The following LRRC8C variants were observed in gnomAD, a reference collection of about 807,000 sequenced individuals.
LRRC8C encodes volume-regulated anion channel subunit LRRC8C.
A neutral mutation model predicts 55.3 loss-of-function variants in LRRC8C; 20 were observed. The ratio of observed to expected loss-of-function variants is 0.36; its 90% CI spans 0.25 to 0.53. The LOEUF is 0.53. Ranked by LOEUF, LRRC8C falls within the 20% of genes least tolerant of loss-of-function variation. The pLI is 0.92. For synonymous variants in LRRC8C, 376 were observed against 360.7 expected, an observed-to-expected ratio of 1.04 and a Z score of -0.48; for missense variants, 659 against 951.4, an observed-to-expected ratio of 0.69 and a Z score of 4.04.
chr1:89,717,078 A>G lies in LRRC8C; in HGVS notation c.*2096A>G, dbSNP rs1278957059. ...GGTTATAGTTCTTGTATGATAAAGTATTCAATTTCAGAATAGTGTTGGAAT... is the reference window on the plus strand; with the variant it reads ...GGTTATAGTTCTTGTATGATAAAGTGTTCAATTTCAGAATAGTGTTGGAAT... On this transcript the variant is annotated 3_prime_UTR_variant, in exon 3 of 3. Transcript: ENST00000370454. 1 of 152,190 alleles carries G rather than the reference A, an allele frequency of 6.6e-6. No homozygotes were observed. Among genetic ancestry groups the G allele is most frequent in the Non-Finnish European group, 1.5e-5 (1 of 68,030 alleles). The allele number at this position is 152,190 out of a possible 1,614,324, so 9.4% of individuals were successfully genotyped here.
At chr1:89,629,724 G>A (rs762983604), upstream of LRRC8C, 1 of 152,202 alleles carries the variant, frequency 6.6e-6, no homozygotes, top group Non-Finnish European at 1.5e-5. Flanking sequence ...CTGCCCTGGA[G>A]AGGCTCCCAG....
At chr1:89,685,101 C>CTT (rs11316114) in intron 1 of LRRC8C, among the ~76,000 whole-genome samples, 1,893 of 76,174 alleles carry the variant, frequency 0.025, 127 homozygotes, top group African/African-American at 0.045. Flanking sequence ...CTATCTAGTT[C>CTT]TTTTTTTTTT....
At chr1:89,656,052 A>G (rs1392131024) in intron 1 of LRRC8C, among the ~76,000 whole-genome samples, 9 of 152,256 alleles carry the variant, frequency 5.9e-5, no homozygotes, top group African/African-American at 1.4e-4. Flanking sequence ...TGATGCTGCC[A>G]TCTTACAGCG....
chr1:89,636,897 A>G (rs1252134614), intron 1 of LRRC8C, among the ~76,000 whole-genome samples: 6 of 152,120 alleles, frequency 3.9e-5, no homozygotes, highest in African/African-American at 1.2e-4. Context: ...GACGTCAGGG[A>G]TTTTTAAAAA....
chr1:89,622,154 G>A, the LRRC8C span, among the ~76,000 whole-genome samples: 4 of 152,130 alleles, frequency 2.6e-5, no homozygotes, highest in Admixed American at 2.6e-4. Flanking sequence ...CGTGATAAGA[G>A]TGTGGGCTTT....
upstream of LRRC8C, chr1:89,632,247 G>C (rs1428826022): frequency 6.6e-6 from 1 of 152,194 alleles, no homozygotes; most frequent in African/African-American, 2.4e-5. Flanking sequence ...AGAAAAGCAC[G>C]GTTCAGATCA....
Position 89,654,426 on chromosome 1 carries a change from G to T in LRRC8C, c.-5+21104G>T, listed in dbSNP as rs186648828. Among the ~76,000 whole-genome samples, 371 of 152,256 alleles carry T rather than the reference G, an allele frequency of 2.4e-3. 4 individuals carry two copies. Among genetic ancestry groups the T allele is most frequent in the African/African-American group, 8.5e-3 (352 of 41,560 alleles). On this transcript the variant is annotated intron_variant, in intron 1 of 2. Coordinates refer to ENST00000370454, the MANE Select transcript of LRRC8C (RefSeq NM_032270.5). ...CCTTTAAATTTATACAAAAAAAAGA[G>T]AAATGTCTACTAAACTTCCAGTTGG...
chr1:89,638,350 A>G (rs966343584), intron 1 of LRRC8C, among the ~76,000 whole-genome samples: 1 of 152,120 alleles, frequency 6.6e-6, no homozygotes, highest in African/African-American at 2.4e-5. Flanking sequence ...TTTTTTCCAT[A>G]AATTGTAATA....
chr1:89,651,250 G>C (rs559712665), intron 1 of LRRC8C, among the ~76,000 whole-genome samples: 2 of 152,184 alleles, frequency 1.3e-5, no homozygotes, highest in East Asian at 1.9e-4. Context: ...TATTTTTAAA[G>C]GATTGTTTAA....
At chr1:89,695,191 G>T (rs1395063649) in intron 2 of LRRC8C, among the ~76,000 whole-genome samples, 2 of 152,028 alleles carry the variant, frequency 1.3e-5, no homozygotes, top group African/African-American at 4.8e-5. Context: ...CAAAGTGCTG[G>T]GATTACAGGC....
In LRRC8C at chr1:89,706,761, T is replaced by C. The variant is rs552527533; in HGVS notation, c.139-5948T>C. Among the ~76,000 whole-genome samples, 85 of 152,286 alleles carry C rather than the reference T, an allele frequency of 5.6e-4. 1 individual carries two copies. The highest frequency in any genetic ancestry group is 2.0e-3 in the African/African-American group (84 of 41,526). On this transcript the variant is annotated intron_variant, in intron 2 of 2. Transcript: ENST00000370454. Reference sequence around the variant, plus strand: ...TTTTAAGGAAGCTTGAATTTTGGCCTATGCTTCCCTTGAAACCCTTCCCCT... The same window carrying C: ...TTTTAAGGAAGCTTGAATTTTGGCCCATGCTTCCCTTGAAACCCTTCCCCT...
At chr1:89,671,930 C>T (rs570753781) in intron 1 of LRRC8C, among the ~76,000 whole-genome samples, 1 of 152,276 alleles carries the variant, frequency 6.6e-6, no homozygotes, top group South Asian at 2.1e-4. Flanking sequence ...TTGCCAGTTC[C>T]ATCTAAGAGC....
intron 1 of LRRC8C, among the ~76,000 whole-genome samples, chr1:89,670,032 ATTAT>A (rs1163699619): frequency 6.6e-6 from 1 of 152,174 alleles, no homozygotes; most frequent in East Asian, 1.9e-4. Context: ...AACTTTTTTA[ATTAT>A]TTAAGATTAT....
At chr1:89,670,867 T>A (rs1657393972) in intron 1 of LRRC8C, among the ~76,000 whole-genome samples, 1 of 152,174 alleles carries the variant, frequency 6.6e-6, no homozygotes, top group South Asian at 2.1e-4. Context: ...CTCTGGCATG[T>A]CTCTTGGCAA....
intron 1 of LRRC8C, among the ~76,000 whole-genome samples, chr1:89,673,405 T>G (rs968845186): frequency 4.6e-5 from 7 of 152,214 alleles, no homozygotes; most frequent in African/African-American, 1.7e-4. Context: ...TCTAGATATC[T>G]TTGAGATGGT....
intron 2 of LRRC8C, among the ~76,000 whole-genome samples, chr1:89,697,702 G>A (rs1277180604): frequency 6.6e-6 from 1 of 152,084 alleles, no homozygotes; most frequent in Non-Finnish European, 1.5e-5. Flanking sequence ...TAATTCACTG[G>A]TCTTTATGGC....
At chr1:89,630,167 G>C (rs561765759), upstream of LRRC8C, among the ~76,000 whole-genome samples, 1 of 152,022 alleles carries the variant, frequency 6.6e-6, no homozygotes. Flanking sequence ...AATTAATTAC[G>C]CCTTCAAGGA....
the LRRC8C span, among the ~76,000 whole-genome samples, chr1:89,622,427 G>A: frequency 9.2e-3 from 1,388 of 151,306 alleles, 16 homozygotes; most frequent in African/African-American, 0.032. Flanking sequence ...CCGCCTCCTG[G>A]GTTCACGCCA....
chr1:89,628,404 T>G (rs1656027062), upstream of LRRC8C, among the ~76,000 whole-genome samples: 1 of 152,148 alleles, frequency 6.6e-6, no homozygotes, highest in Admixed American at 6.5e-5. Context: ...TTATTTTTAT[T>G]TTTGATTTAG....
Sources: gnomAD v4.1 joint callset for allele counts (sites outside exome capture counted in the v4.1 genomes callset) on GRCh38, gnomAD v4.1.1 for gene constraint, MANE v1.5 for transcripts, NCBI Gene and HGNC (gene_info 2026-07-23, HGNC 2026-07-21) for gene names.